MATR3: variants seen among roughly 807,000 people sequenced by gnomAD.
The protein encoded by MATR3 is matrin-3.
MATR3 carries 4 observed loss-of-function variants against 85.5 expected under a neutral mutation model. That is an observed-to-expected ratio of 0.05 (90% CI 0.02 to 0.11). MATR3 has a LOEUF of 0.11. Ranked by LOEUF, MATR3 falls within the 10% of genes least tolerant of loss-of-function variation. The probability of loss-of-function intolerance (pLI) is 1.00; values close to 1 mark genes in which losing one functional copy is unlikely to be tolerated. For synonymous variants in MATR3, 336 were observed against 343.1 expected (o/e 0.98, Z 0.23); for missense variants, 685 against 1,016.1 (o/e 0.67, Z 4.43).
At chr5:139,277,211 C>T (rs1286634141) in intron 2 of MATR3, among the ~76,000 whole-genome samples, 3 of 151,134 alleles carry the variant, frequency 2.0e-5, no homozygotes, top group Non-Finnish European at 3.0e-5. Flanking sequence ...GGTTTCACGA[C>T]GTTGTCCAGG....
intron 3 of MATR3, among the ~76,000 whole-genome samples, chr5:139,288,006 T>C (rs374557412): frequency 2.2e-4 from 33 of 151,838 alleles, no homozygotes; most frequent in African/African-American, 7.0e-4. Context: ...AGCCCAGGAG[T>C]TCGACACCAG....
intron 12 of MATR3, 144 bp from the exon 13 acceptor site, chr5:139,325,296 C>T (rs1352734646): frequency 9.0e-6 from 14 of 1,554,132 alleles, no homozygotes; most frequent in African/African-American, 5.5e-5. Context: ...TTCTTAACAG[C>T]GTCGTTTTCC....
At chr5:139,281,952 G>A (rs1753547738) in intron 3 of MATR3, among the ~76,000 whole-genome samples, 1 of 152,166 alleles carries the variant, frequency 6.6e-6, no homozygotes, top group Admixed American at 6.5e-5. Context: ...CACTTGCTGG[G>A]TTGAAACAAA....
At chr5:139,310,392 C>G (rs1561934763) in intron 2 of MATR3, 2 of 152,134 alleles carry the variant, frequency 1.3e-5, no homozygotes, top group Non-Finnish European at 2.9e-5. Context: ...AGTTTAAACA[C>G]ATGGATTATC....
intron 2 of MATR3, chr5:139,314,355 T>G (rs1755141367): frequency 5.9e-6 from 2 of 336,680 alleles, no homozygotes; most frequent in South Asian, 5.5e-5. Flanking sequence ...CAGTAAAAAT[T>G]AATAAGCCTT....
Position 139,331,621 on chromosome 5 carries a change from T to C in MATR3, c.*2226T>C. Reference sequence around the variant, plus strand: ...ATTTTTCCTACGGCTATGTCAGCCCTTAGTTTAATCTTACATTATCCTACA... The same window carrying C: ...ATTTTTCCTACGGCTATGTCAGCCCCTAGTTTAATCTTACATTATCCTACA... On this transcript the variant is annotated 3_prime_UTR_variant, in exon 15 of 15. Coordinates refer to ENST00000394805, the MANE Select transcript of MATR3 (RefSeq NM_018834.6). The C allele has an allele frequency of 2.2e-6, 1 of 453,968 alleles. No homozygotes were observed. Among genetic ancestry groups the C allele is most frequent in the Non-Finnish European group, 4.4e-6 (1 of 226,744 alleles). 28.1% of individuals were successfully genotyped at this position (453,968 alleles called of 1,614,324 possible). A position where few individuals can be genotyped will look rare whatever the true frequency, so the allele number is the denominator to read the frequency against.
At chr5:139,280,776 C>G (rs565368783) in intron 3 of MATR3, 1 of 152,318 alleles carries the variant, frequency 6.6e-6, no homozygotes, top group South Asian at 2.1e-4. Context: ...GTCTTCCTGA[C>G]TACAGTAGCG....
rs1433574951 is a variant in MATR3 at position 139,322,465 on chromosome 5, T to A, written c.1737T>A (p.Ile579=). 2 of 1,613,950 alleles carry A rather than the reference T, an allele frequency of 1.2e-6. No homozygotes were observed. ...TCTGCAAAACTTTTGTCTTTTAGAT[T>A]CCAAACAGAGGCATTGATTTACTGA... ...SEKYKKLVLR[I]PNRGIDLLKK... The change falls in exon 11 of 15, where the codon ATT becomes ATA. Residue 579 remains isoleucine, a splice_region_variant and synonymous_variant. Coordinates refer to ENST00000394805, the MANE Select transcript of MATR3 (RefSeq NM_018834.6).
intron 8 of MATR3, 76 bp from the exon 9 acceptor site, chr5:139,319,258 T>A (rs929037860): frequency 2.4e-5 from 35 of 1,457,864 alleles, no homozygotes; most frequent in Non-Finnish European, 3.2e-5. Context: ...AAACAATTGG[T>A]AAAGACTAGG....
intron 2 of MATR3, chr5:139,313,627 T>A (rs1255741538): frequency 2.0e-5 from 3 of 152,206 alleles, no homozygotes; most frequent in Non-Finnish European, 4.4e-5. Context: ...TACTTCAATT[T>A]AAAGTAAACC....
At chr5:139,301,773 C>T (rs1017130169) in intron 1 of MATR3, among the ~76,000 whole-genome samples, 1 of 152,180 alleles carries the variant, frequency 6.6e-6, no homozygotes, top group Non-Finnish European at 1.5e-5. Context: ...TTCATCAATT[C>T]TGTGTAGTTC....
rs1754808826 is a variant in MATR3, at chr5:139,308,271, C to G, written c.856C>G (p.Pro286Ala). The change falls in exon 2 of 15, where the codon CCG becomes GCG. Residue 286 changes from proline to alanine, a missense_variant. Pro to Ala is a conservative substitution (Grantham distance 27). This residue lies in a region of MATR3 where 223 missense variants were observed against 334.4 expected (regional missense o/e 0.67). Coordinates refer to ENST00000394805, the MANE Select transcript of MATR3 (RefSeq NM_018834.6). ...SNIEDFHGLL[P>A]KGYPHLCSIC... is the part of the protein sequence containing the mutation. ...TATTGAAGACTTCCATGGACTCTTA[C>G]CGAAGGGTTATCCCCATCTGTGCTC... The G allele has an allele frequency of 6.2e-7, 1 of 1,613,970 alleles. No individual in the cohort carries two copies. The highest frequency in any genetic ancestry group is 8.5e-7 in the Non-Finnish European group (1 of 1,179,990).
At chr5:139,289,398 T>G (rs916927809), upstream of MATR3, among the ~76,000 whole-genome samples, 11 of 152,234 alleles carry the variant, frequency 7.2e-5, no homozygotes, top group Admixed American at 2.0e-4. Context: ...CCATCCTGGA[T>G]GAGAGAGCAA....
intron 2 of MATR3, chr5:139,312,690 T>C (rs374360672): frequency 6.6e-6 from 1 of 152,250 alleles, no homozygotes; most frequent in African/African-American, 2.4e-5. Flanking sequence ...GTTTCACTCT[T>C]GCCCAGACTG....
upstream of MATR3, among the ~76,000 whole-genome samples, chr5:139,292,442 G>C (rs1284412480): frequency 3.3e-5 from 5 of 152,216 alleles, no homozygotes; most frequent in Non-Finnish European, 1.5e-5. Flanking sequence ...CAGATGCGGA[G>C]TTCTGCAAGG....
chr5:139,330,513 T>TA lies in MATR3; in HGVS notation c.*1118_*1119insA. 2.2e-6 allele frequency: 1 copy of TA among 454,174 alleles called. No homozygotes were observed. Among genetic ancestry groups the TA allele is most frequent in the Non-Finnish European group, 4.4e-6 (1 of 226,800 alleles). The allele number at this position is 454,174 out of a possible 1,614,324, so 28.1% of individuals were successfully genotyped here. A position where few individuals can be genotyped will look rare whatever the true frequency, so the allele number is the denominator to read the frequency against. On this transcript the variant is annotated 3_prime_UTR_variant, in exon 15 of 15. Transcript: ENST00000394805. ...GCTTTAACAATTTATTACTTTTAAATCTAGAGTGAATTCTAAAGACTGCCG... is the reference window on the plus strand; with the variant it reads ...GCTTTAACAATTTATTACTTTTAAATACTAGAGTGAATTCTAAAGACTGCCG...
chr5:139,274,734 A>C (rs1753205326), intron 1 of MATR3, among the ~76,000 whole-genome samples: 1 of 152,002 alleles, frequency 6.6e-6, no homozygotes, highest in African/African-American at 2.4e-5. Context: ...CAAGAGAAGA[A>C]GACCATCCTG....
chr5:139,320,637 TG>T (rs1391520602), intron 9 of MATR3, among the ~76,000 whole-genome samples: 2 of 152,146 alleles, frequency 1.3e-5, no homozygotes, highest in East Asian at 1.9e-4. Context: ...ACATCTTTTT[TG>T]TTTTTCTTTT....
chr5:139,319,590 G>C (rs1468334316), intron 9 of MATR3, 89 bp downstream of exon 9: 7 of 1,244,686 alleles, frequency 5.6e-6, no homozygotes, highest in Non-Finnish European at 8.0e-6. Context: ...TCCTCAACCT[G>C]TAATCCCAGC....
Sources: allele counts gnomAD v4.1 joint callset (sites outside exome capture counted in the v4.1 genomes callset), GRCh38; gene constraint gnomAD v4.1.1; regional missense constraint gnomAD v4.1.1; transcripts MANE v1.5; gene names NCBI Gene and HGNC (gene_info 2026-07-23, HGNC 2026-07-21).